The following BRD1 variants were observed in gnomAD, a reference collection of about 807,000 sequenced individuals.
The protein encoded by BRD1 is bromodomain-containing protein 1.
Under a neutral mutation model 107.7 loss-of-function variants are expected in BRD1, and 24 were observed. The ratio of observed to expected loss-of-function variants is 0.22; its 90% CI spans 0.16 to 0.31. BRD1 has a LOEUF of 0.31. BRD1 is among the 10% of genes least tolerant of loss of function. The pLI is 1.00. For missense variants in BRD1, 1,279 were observed against 1,638.6 expected (o/e 0.78, Z 3.79); for synonymous variants, 744 against 686.1 (o/e 1.08, Z -1.32).
intron 11 of BRD1, 98 bp from the exon 12 acceptor site, chr22:49,775,843 T>C (rs1298870144): frequency 6.1e-6 from 6 of 977,072 alleles, no homozygotes; most frequent in Non-Finnish European, 6.4e-6. Flanking sequence ...ACCCCAGCTG[T>C]GTGAGCCTCC....
intron 8 of BRD1, among the ~76,000 whole-genome samples, chr22:49,782,660 A>AG (rs1661922337): frequency 7.0e-6 from 1 of 141,972 alleles, no homozygotes; most frequent in South Asian, 2.3e-4. Flanking sequence ...GCTGGGACCC[A>AG]CTCCGCGACA....
In BRD1 at chr22:49,775,992, G is replaced by A. The variant is rs534183911; in HGVS notation, c.3231+58C>T. 276 of 1,411,460 alleles carry A rather than the reference G, an allele frequency of 2.0e-4. 3 individuals are homozygous for A. In the South Asian group the frequency reaches 2.3e-3, roughly 12 times the overall value. The allele number at this position is 1,411,460 out of a possible 1,614,324, so 87.4% of individuals were successfully genotyped here. ...CCGTGAGCCTCCTCGGACCACCCCC[G>A]CCCCGCAGCTGTGTGAGCCTCCTCT... On this transcript the variant is annotated intron_variant, in intron 11 of 12. Transcript: ENST00000404760.
At chr22:49,780,419 T>A (rs931149547) in intron 8 of BRD1, among the ~76,000 whole-genome samples, 2 of 152,102 alleles carry the variant, frequency 1.3e-5, no homozygotes, top group African/African-American at 4.8e-5. Flanking sequence ...CGGGAAGACG[T>A]GGGCAGCACA....
intron 7 of BRD1, among the ~76,000 whole-genome samples, chr22:49,789,328 G>A (rs764448752): frequency 6.6e-6 from 1 of 152,198 alleles, no homozygotes; most frequent in Admixed American, 6.5e-5. Flanking sequence ...TGGGCAATGC[G>A]GAGAAGGGCT....
intron 1 of BRD1, chr22:49,826,164 A>G (rs1268295308): frequency 5.1e-6 from 5 of 985,264 alleles, no homozygotes; most frequent in Non-Finnish European, 6.0e-6. Flanking sequence ...ATCAGAAACG[A>G]ACCTGTCATT....
chr22:49,822,806 G>A (rs546780840), intron 2 of BRD1, 145 bp downstream of exon 2: 116 of 929,496 alleles, frequency 1.2e-4, no homozygotes, highest in Non-Finnish European at 1.6e-4. Flanking sequence ...TAAACAAGCA[G>A]AACCACACTT....
intron 2 of BRD1, chr22:49,805,535 G>C (rs1219516925): frequency 6.6e-6 from 1 of 152,432 alleles, no homozygotes; most frequent in African/African-American, 2.4e-5. Flanking sequence ...AAGGAAGCCA[G>C]AGGCTGGAGA....
At chr22:49,788,576 A>G (rs1040427998) in intron 7 of BRD1, among the ~76,000 whole-genome samples, 21 of 152,346 alleles carry the variant, frequency 1.4e-4, no homozygotes, top group African/African-American at 4.8e-4. Flanking sequence ...TCTTTTTGAC[A>G]TTATAAAAAC....
At chr22:49,801,511 G>A (rs1048638527) in intron 3 of BRD1, among the ~76,000 whole-genome samples, 6 of 152,198 alleles carry the variant, frequency 3.9e-5, no homozygotes, top group Non-Finnish European at 7.3e-5. Context: ...GCCATCCCTG[G>A]CCAGGAGAAG....
At chr22:49,810,297 T>C (rs1017881133) in intron 2 of BRD1, among the ~76,000 whole-genome samples, 50 of 152,062 alleles carry the variant, frequency 3.3e-4, no homozygotes, top group African/African-American at 1.0e-3. Flanking sequence ...GGCGAGAAAA[T>C]TGCTTGAGCC....
In BRD1 at chr22:49,775,706, TGTG is replaced by T; in HGVS notation, c.3268_3270del (p.His1090del). ...GGTGGGGCCGGGATGGTGACGCCGT[TGTG>T]GTGGCCAGGCACACGGGGCATCTTG... On this transcript the variant is annotated inframe_deletion, in exon 12 of 13. Coordinates refer to ENST00000404760, the MANE Select transcript of BRD1 (RefSeq NM_001304808.3). 2 of 1,613,450 alleles carry T rather than the reference TGTG, an allele frequency of 1.2e-6. No individual in the cohort carries two copies. Among genetic ancestry groups the T allele is most frequent in the Non-Finnish European group, 1.7e-6 (2 of 1,179,798 alleles).
At position 49,824,078 on chromosome 22, in the gene BRD1, G is replaced by A. The variant is rs372388762; in HGVS notation, c.240C>T (p.Ser80=). Residue 80 remains serine, a synonymous_variant, in exon 2 of 13, where the codon AGC becomes AGT. Coordinates refer to ENST00000404760, the MANE Select transcript of BRD1 (RefSeq NM_001304808.3). This position sits in a 1 kb window ranked among gnomAD's most constrained non-coding sequence, Gnocchi z 5.9. The part of the protein sequence containing the change: ...MSECNSNKEN[S]ERPPVCLRTK... ...TTCTTAAGCAGACAGGAGGCCGCTC[G>A]CTGTTTTCCTTGTTGCTGTTGCACT... The A allele has an allele frequency of 2.0e-5, 32 of 1,613,796 alleles. No individual in the cohort carries two copies. Among genetic ancestry groups the A allele is most frequent in the Middle Eastern group, 1.6e-4 (1 of 6,084 alleles).
At chr22:49,814,432 G>A (rs1014512898) in intron 2 of BRD1, among the ~76,000 whole-genome samples, 3 of 152,230 alleles carry the variant, frequency 2.0e-5, no homozygotes. Context: ...GGGGACTCCT[G>A]CACCAAGGCT....
chr22:49,777,914 TCA>T, intron 8 of BRD1, 101 bp from the exon 9 acceptor site: 2 of 1,439,738 alleles, frequency 1.4e-6, no homozygotes, highest in South Asian at 1.4e-5. Context: ...AAAGCACGTT[TCA>T]CAGACAGGTA....
At chr22:49,817,231 C>T (rs918033114) in intron 2 of BRD1, 1 of 157,134 alleles carries the variant, frequency 6.4e-6, no homozygotes, top group Non-Finnish European at 1.4e-5. Flanking sequence ...AAGGAGTCAC[C>T]CCTGGAGGTG....
chr22:49,775,824 C>CCCCCCACAGCTGTGTGA, intron 11 of BRD1, 79 bp from the exon 12 acceptor site: 11 of 1,281,046 alleles, frequency 8.6e-6, no homozygotes, highest in South Asian at 5.2e-5. Context: ...CACCCCCCCC[C>CCCCCCACAGCTGTGTGA]GCCTCCCCAC....
chr22:49,805,421 C>G (rs1200805934), intron 2 of BRD1: 1 of 152,300 alleles, frequency 6.6e-6, no homozygotes, highest in East Asian at 1.9e-4. Context: ...ATGTGGAACC[C>G]CTTTAGGCTA....
intron 3 of BRD1, among the ~76,000 whole-genome samples, chr22:49,800,168 G>C (rs2059614944): frequency 6.6e-6 from 1 of 152,164 alleles, no homozygotes; most frequent in East Asian, 1.9e-4. Context: ...CCGAGGGTGT[G>C]AAGGCAAAGA....
At chr22:49,774,501 T>G (rs1319978914) in intron 12 of BRD1, 85 bp from the exon 13 acceptor site, 1 of 1,410,964 alleles carries the variant, frequency 7.1e-7, no homozygotes. Flanking sequence ...ACAAATTCAC[T>G]GCCCTCCGAT....
Sources: gnomAD v4.1 joint callset for allele counts (sites outside exome capture counted in the v4.1 genomes callset) on GRCh38, gnomAD v4.1.1 for gene constraint, Gnocchi (gnomAD v3.1) non-coding constraint, MANE v1.5 for transcripts, NCBI Gene and HGNC (gene_info 2026-07-23, HGNC 2026-07-21) for gene names.